SPOCK1: variants seen among roughly 807,000 people sequenced by gnomAD.
SPOCK1 encodes the protein SPARC (osteonectin), cwcv and kazal like domains proteoglycan 1.
Under a neutral mutation model 55.3 loss-of-function variants are expected in SPOCK1, and 23 were observed. That is an observed-to-expected ratio of 0.42 (90% CI 0.30 to 0.59). SPOCK1 has a LOEUF of 0.59. SPOCK1 is among the 20% of genes least tolerant of loss of function. SPOCK1 has a pLI of 0.22. For synonymous variants in SPOCK1, 226 were observed against 221.0 expected (o/e 1.02, Z -0.20); for missense variants, 499 against 552.5 (o/e 0.90, Z 0.97).
chr5:137,017,414 GAAT>G (rs1472859070), intron 6 of SPOCK1, among the ~76,000 whole-genome samples: 17 of 152,240 alleles, frequency 1.1e-4, no homozygotes, highest in African/African-American at 3.4e-4. Context: ...AAGAAAACAA[GAAT>G]AATAATTTTG....
intron 2 of SPOCK1, among the ~76,000 whole-genome samples, chr5:137,432,628 T>C (rs1247620927): frequency 6.6e-6 from 1 of 152,176 alleles, no homozygotes; most frequent in Non-Finnish European, 1.5e-5. Flanking sequence ...AGAACAGTGC[T>C]TCCATTATGC....
chr5:137,041,303 C>T (rs899306738), intron 6 of SPOCK1, among the ~76,000 whole-genome samples: 18 of 152,092 alleles, frequency 1.2e-4, no homozygotes, highest in Non-Finnish European at 2.6e-4. Context: ...AGTCAGAGAC[C>T]TTCTACCTTA....
At chr5:137,442,366 C>A (rs1283931259) in intron 2 of SPOCK1, among the ~76,000 whole-genome samples, 1 of 152,130 alleles carries the variant, frequency 6.6e-6, no homozygotes, top group East Asian at 1.9e-4. Context: ...CTGGGAAGGC[C>A]AGGGAGAATT....
chr5:137,306,754 T>C (rs1332918567), intron 2 of SPOCK1, among the ~76,000 whole-genome samples: 1 of 152,232 alleles, frequency 6.6e-6, no homozygotes, highest in East Asian at 1.9e-4. Flanking sequence ...GCATAGCTTT[T>C]TAAAGTTTAT....
intron 2 of SPOCK1, among the ~76,000 whole-genome samples, chr5:137,386,428 CA>C (rs1751600564): frequency 1.3e-5 from 1 of 75,990 alleles, no homozygotes; most frequent in South Asian, 5.5e-4. Context: ...TTGAAGAACA[CA>C]GTCAGAGGAC....
At chr5:137,029,018 G>A (rs1751729350) in intron 6 of SPOCK1, among the ~76,000 whole-genome samples, 1 of 152,054 alleles carries the variant, frequency 6.6e-6, no homozygotes, top group Non-Finnish European at 1.5e-5. Flanking sequence ...GGGGCTGCCT[G>A]CTTATGGTCA....
chr5:136,982,245 T>C (rs147353954), intron 9 of SPOCK1, among the ~76,000 whole-genome samples: 1 of 152,340 alleles, frequency 6.6e-6, no homozygotes, highest in East Asian at 1.9e-4. Flanking sequence ...AGCGAGATGA[T>C]TGCATTATAA....
intron 4 of SPOCK1, among the ~76,000 whole-genome samples, chr5:137,134,569 T>A (rs915034425): frequency 1.3e-5 from 2 of 152,158 alleles, no homozygotes; most frequent in Admixed American, 1.3e-4. Context: ...TACATAAATA[T>A]AAAATCATAG....
chr5:136,998,798 A>G (rs1271306515), intron 6 of SPOCK1, among the ~76,000 whole-genome samples: 1 of 152,218 alleles, frequency 6.6e-6, no homozygotes. Flanking sequence ...GGGCTTCATT[A>G]GAGAAAGGTA....
At chr5:137,350,476 A>C (rs1750653804) in intron 2 of SPOCK1, among the ~76,000 whole-genome samples, 1 of 152,176 alleles carries the variant, frequency 6.6e-6, no homozygotes, top group South Asian at 2.1e-4. Context: ...GAGGAGGTTC[A>C]TCTGGGAGAG....
intron 2 of SPOCK1, among the ~76,000 whole-genome samples, chr5:137,451,836 G>T (rs549691696): frequency 6.6e-6 from 1 of 152,122 alleles, no homozygotes; most frequent in Non-Finnish European, 1.5e-5. Context: ...GTCCTGTAAC[G>T]TTTTAGCTCA....
intron 5 of SPOCK1, among the ~76,000 whole-genome samples, chr5:137,077,164 T>C (rs1580738520): frequency 6.6e-6 from 1 of 152,208 alleles, no homozygotes; most frequent in Non-Finnish European, 1.5e-5. Context: ...GACCTCGTGA[T>C]CCACCCGCCT....
chr5:137,295,954 T>C (rs1448888506), intron 2 of SPOCK1, among the ~76,000 whole-genome samples: 1 of 152,180 alleles, frequency 6.6e-6, no homozygotes, highest in Non-Finnish European at 1.5e-5. Flanking sequence ...CCCAGATTTT[T>C]TGTTGATACC....
intron 6 of SPOCK1, among the ~76,000 whole-genome samples, chr5:137,014,230 C>T (rs1477362811): frequency 1.1e-4 from 17 of 152,120 alleles, no homozygotes; most frequent in Non-Finnish European, 2.5e-4. Context: ...CCCACTTCAC[C>T]TTCCTTCATG....
intron 5 of SPOCK1, among the ~76,000 whole-genome samples, chr5:137,098,693 G>T (rs944180513): frequency 6.6e-6 from 1 of 152,254 alleles, no homozygotes; most frequent in Admixed American, 6.5e-5. Flanking sequence ...AGTCTCAGAG[G>T]CCATGTCAAG....
intron 3 of SPOCK1, among the ~76,000 whole-genome samples, chr5:137,196,009 C>T (rs960507205): frequency 6.6e-6 from 1 of 152,118 alleles, no homozygotes; most frequent in Non-Finnish European, 1.5e-5. Flanking sequence ...CTCAGGCCAC[C>T]CAAGAGCACC....
chr5:137,219,016 C>G (rs80212723), intron 3 of SPOCK1, among the ~76,000 whole-genome samples: 264 of 152,304 alleles, frequency 1.7e-3, no homozygotes, highest in African/African-American at 6.0e-3. Flanking sequence ...AAGGGGGAAC[C>G]TTAAGGAGGC....
chr5:137,318,344 T>A (rs919482078), intron 2 of SPOCK1, among the ~76,000 whole-genome samples: 9 of 152,164 alleles, frequency 5.9e-5, no homozygotes, highest in Non-Finnish European at 1.5e-5. Context: ...GTCGACTACC[T>A]GAGAAGAAAG....
chr5:137,498,259 C>G, intron 2 of SPOCK1, 114 bp downstream of exon 2: 1 of 1,095,480 alleles, frequency 9.1e-7, no homozygotes, highest in South Asian at 2.9e-5. Context: ...ACCTGTCCCC[C>G]TCCCAACCAC....
Sources: gnomAD v4.1 joint callset for allele counts (sites outside exome capture counted in the v4.1 genomes callset) on GRCh38, gnomAD v4.1.1 for gene constraint, MANE v1.5 for transcripts, NCBI Gene and HGNC (gene_info 2026-07-23, HGNC 2026-07-21) for gene names.